KCNK13: variants seen among roughly 807,000 people sequenced by gnomAD.
KCNK13 encodes potassium channel subfamily K member 13.
In KCNK13, 12 loss-of-function variants were observed where a neutral mutation model predicts 23.4. The ratio of observed to expected loss-of-function variants is 0.51; its 90% CI spans 0.33 to 0.83. The LOEUF (loss-of-function observed/expected upper bound fraction) is 0.83, where lower values mean the gene tolerates loss of function less well. Ranked by LOEUF, KCNK13 falls within the 40% of genes least tolerant of loss-of-function variation. KCNK13 has a pLI of 0.02. For missense variants in KCNK13, 463 were observed against 556.3 expected (o/e 0.83, Z 1.69); for synonymous variants, 231 against 229.5 (o/e 1.01, Z -0.06).
intron 1 of KCNK13, among the ~76,000 whole-genome samples, chr14:90,154,157 C>A (rs1044299329): frequency 2.0e-5 from 3 of 152,138 alleles, no homozygotes; most frequent in Non-Finnish European, 4.4e-5. Context: ...GCCAACAGTC[C>A]TGAATGATCT....
intron 1 of KCNK13, among the ~76,000 whole-genome samples, chr14:90,168,343 C>A (rs897576966): frequency 8.6e-5 from 13 of 151,914 alleles, no homozygotes; most frequent in East Asian, 1.9e-4. Context: ...TGCACTTCAG[C>A]CTGGGCGACA....
At chr14:90,132,759 A>T (rs182933552) in intron 1 of KCNK13, among the ~76,000 whole-genome samples, 51 of 152,298 alleles carry the variant, frequency 3.3e-4, no homozygotes, top group Admixed American at 1.3e-3. Flanking sequence ...GTTTCATGTT[A>T]TGTATATTTT....
Position 90,062,223 on chromosome 14 carries a change from C to T in KCNK13, c.18C>T (p.Phe6=). 8.8e-7 allele frequency: 1 copy of T among 1,135,310 alleles called. No homozygotes were observed. The highest frequency in any genetic ancestry group is 1.2e-6 in the Non-Finnish European group (1 of 858,092). 70.3% of individuals were successfully genotyped at this position (1,135,310 alleles called of 1,614,324 possible). The change falls in exon 1 of 2, where the codon TTC becomes TTT. Residue 6 remains phenylalanine (F), a synonymous_variant. Transcript: ENST00000282146. The surrounding 1 kb of genome is among the most constrained non-coding windows in gnomAD (Gnocchi z 4.5). ...GCCCGGCCATGGCTGGCCGGGGTTT[C>T]AGCTGGGGCCCGGGCCACCTGAACG... MAGRG[F]SWGPGHLNED...
At chr14:90,171,924 A>C (rs1890368956) in intron 1 of KCNK13, among the ~76,000 whole-genome samples, 1 of 152,202 alleles carries the variant, frequency 6.6e-6, no homozygotes, top group Non-Finnish European at 1.5e-5. Context: ...AGCAATGTGA[A>C]ATTTCACAGA....
chr14:90,162,208 A>T (rs530811528), intron 1 of KCNK13, among the ~76,000 whole-genome samples: 1 of 152,306 alleles, frequency 6.6e-6, no homozygotes, highest in East Asian at 1.9e-4. Context: ...AAAAACAAAA[A>T]GGAGAACTGT....
chr14:90,090,864 C>T (rs1566949805), intron 1 of KCNK13, among the ~76,000 whole-genome samples: 2 of 152,226 alleles, frequency 1.3e-5, no homozygotes, highest in South Asian at 2.1e-4. Context: ...TGACTTGCTC[C>T]TCCTTGCCCT....
At position 90,062,278 on chromosome 14, in the gene KCNK13, G is replaced by T. The variant is rs1461504067; in HGVS notation, c.73G>T (p.Ala25Ser). 1 of 1,558,560 alleles carries T rather than the reference G, an allele frequency of 6.4e-7. No homozygotes were observed. Among genetic ancestry groups the T allele is most frequent in the East Asian group, 2.4e-5 (1 of 41,880 alleles). Residue 25 changes from alanine (A) to serine (S), a missense_variant, in exon 1 of 2, where the codon GCG becomes TCG. This residue lies in a region of KCNK13 where 153 missense variants were observed against 153.6 expected (regional missense o/e 1.00). Transcript: ENST00000282146. This position sits in a 1 kb window ranked among gnomAD's most constrained non-coding sequence, Gnocchi z 4.5. ...CAACGCGCGCTTTCTGCTGCTGGCC[G>T]CGCTCATCGTGCTCTACCTGCTGGG... ...EDNARFLLLA[A>S]LIVLYLLGGA...
At chr14:90,085,360 A>G (rs1889259427) in intron 1 of KCNK13, among the ~76,000 whole-genome samples, 1 of 151,986 alleles carries the variant, frequency 6.6e-6, no homozygotes, top group African/African-American at 2.4e-5. Flanking sequence ...TTTTTGCATC[A>G]GTATTCAAAA....
Position 90,063,204 on chromosome 14 carries a change from G to A in KCNK13, c.334+665G>A, listed in dbSNP as rs1052033936. ...TAGAGTAGGAGAGAATCGCACTCAGGGGCCCCATGAGCTGGTTGGAGTGGT... is the reference window on the plus strand; with the variant it reads ...TAGAGTAGGAGAGAATCGCACTCAGAGGCCCCATGAGCTGGTTGGAGTGGT... On this transcript the variant is annotated intron_variant, in intron 1 of 1. Coordinates refer to ENST00000282146, the MANE Select transcript of KCNK13 (RefSeq NM_022054.4). Among the ~76,000 whole-genome samples the A allele has an allele frequency of 3.3e-5, 5 of 152,144 alleles. No homozygotes were observed. The East Asian group carries it at 5.8e-4, about 18-fold the overall frequency.
At chr14:90,075,851 G>T (rs1889128809) in intron 1 of KCNK13, among the ~76,000 whole-genome samples, 1 of 152,078 alleles carries the variant, frequency 6.6e-6, no homozygotes, top group African/African-American at 2.4e-5. Context: ...GGACCCTTAG[G>T]CTTTGGTTCA....
At chr14:90,093,346 C>T (rs1439809266) in intron 1 of KCNK13, among the ~76,000 whole-genome samples, 1 of 152,140 alleles carries the variant, frequency 6.6e-6, no homozygotes, top group African/African-American at 2.4e-5. Context: ...CTATTGTTCT[C>T]CCAGCATTGA....
At position 90,184,729 on chromosome 14, in the gene KCNK13, G is replaced by A; in HGVS notation, c.953G>A (p.Ser318Asn). 2 of 1,614,192 alleles carry A rather than the reference G, an allele frequency of 1.2e-6. No individual in the cohort carries two copies. Among genetic ancestry groups the A allele is most frequent in the Non-Finnish European group, 1.7e-6 (2 of 1,180,042 alleles). Reference protein sequence around the residue: ...RSRRNVVMPGSVRNRCNISIE... With the variant: ...RSRRNVVMPGNVRNRCNISIE... ...CGCAGGAACGTGGTGATGCCAGGCA[G>A]CGTCCGGAACCGCTGCAACATCTCC... is the stretch of plus-strand genomic sequence containing the variant. The change falls in exon 2 of 2, where the codon AGC becomes AAC. Residue 318 changes from serine to asparagine, a missense_variant. Physicochemically the swap from Ser to Asn is conservative, Grantham distance 46. Coordinates refer to ENST00000282146, the MANE Select transcript of KCNK13 (RefSeq NM_022054.4). The surrounding 1 kb of genome is among the most constrained non-coding windows in gnomAD (Gnocchi z 5.6).
At chr14:90,101,394 G>T (rs1302574019) in intron 1 of KCNK13, among the ~76,000 whole-genome samples, 1 of 152,024 alleles carries the variant, frequency 6.6e-6, no homozygotes, top group Non-Finnish European at 1.5e-5. Flanking sequence ...TAGACGAGGG[G>T]GCAGGGGCAT....
At chr14:90,073,256 C>T (rs1314055741) in intron 1 of KCNK13, among the ~76,000 whole-genome samples, 4 of 152,142 alleles carry the variant, frequency 2.6e-5, no homozygotes, top group African/African-American at 9.7e-5. Context: ...CTGATGATGT[C>T]TGTGCTACTA....
intron 1 of KCNK13, among the ~76,000 whole-genome samples, chr14:90,163,237 G>A (rs1890269595): frequency 6.6e-6 from 1 of 152,204 alleles, no homozygotes; most frequent in Admixed American, 6.5e-5. Flanking sequence ...TCCAGATGCA[G>A]GTAGGAGAGA....
chr14:90,182,403 G>A (rs7148060), intron 1 of KCNK13, among the ~76,000 whole-genome samples: 15,237 of 152,132 alleles, frequency 0.1, 1,165 homozygotes, highest in African/African-American at 0.21. Flanking sequence ...GCCGTTGACC[G>A]AGCTGTAGCA....
chr14:90,065,029 G>GA (rs965703840), intron 1 of KCNK13, among the ~76,000 whole-genome samples: 3 of 151,960 alleles, frequency 2.0e-5, no homozygotes, highest in African/African-American at 7.3e-5. Flanking sequence ...GTATAAAGAA[G>GA]AAAAAAATCA....
chr14:90,139,138 C>T (rs1263244236), intron 1 of KCNK13, among the ~76,000 whole-genome samples: 1 of 152,190 alleles, frequency 6.6e-6, no homozygotes, highest in Non-Finnish European at 1.5e-5. Flanking sequence ...CGTCCTCTCA[C>T]AGAGCTTTAA....
At chr14:90,091,195 T>C (rs1260372756) in intron 1 of KCNK13, among the ~76,000 whole-genome samples, 1 of 152,202 alleles carries the variant, frequency 6.6e-6, no homozygotes, top group Non-Finnish European at 1.5e-5. Context: ...TTTTTTTAAA[T>C]TGCATCCAGT....
Sources: allele counts gnomAD v4.1 joint callset (sites outside exome capture counted in the v4.1 genomes callset), GRCh38; gene constraint gnomAD v4.1.1; regional missense constraint gnomAD v4.1.1; non-coding constraint Gnocchi (gnomAD v3.1); transcripts MANE v1.5; gene names NCBI Gene and HGNC (gene_info 2026-07-23, HGNC 2026-07-21).